Variants in CCDC32 observed in about 807,000 individuals in gnomAD.
CCDC32 encodes the protein coiled-coil domain-containing protein 32.
In CCDC32, 9 loss-of-function variants were observed where a neutral mutation model predicts 20.1. The observed-to-expected ratio is 0.45, with a 90% CI of 0.27 to 0.78. CCDC32 has a LOEUF of 0.78. Among genes scored for constraint, CCDC32 ranks in the 30% least tolerant of loss-of-function variants. The pLI is 0.16. For missense variants in CCDC32, 204 were observed against 215.5 expected (o/e 0.95, Z 0.33); for synonymous variants, 63 against 79.0 (o/e 0.80, Z 1.07).
intron 3 of CCDC32, among the ~76,000 whole-genome samples, chr15:40,547,499 G>A (rs1005861826): frequency 2.0e-5 from 3 of 152,150 alleles, no homozygotes; most frequent in Non-Finnish European, 2.9e-5. Flanking sequence ...CAAAGTTCTT[G>A]CCCTCCCCAC....
chr15:40,564,802 G>A, intron 1 of CCDC32, 174 bp downstream of exon 1: 3 of 1,614,082 alleles, frequency 1.9e-6, no homozygotes, highest in Non-Finnish European at 2.5e-6. Context: ...CCAGGGCAGG[G>A]CGTCCAGAAC....
chr15:40,524,157 T>C (rs1243932942), downstream of CCDC32, among the ~76,000 whole-genome samples: 6 of 139,634 alleles, frequency 4.3e-5, no homozygotes, highest in African/African-American at 1.6e-4. Context: ...TTTTTTTTTT[T>C]TTTTTTTTTT....
At chr15:40,564,116 G>A (rs1288723528) in intron 1 of CCDC32, among the ~76,000 whole-genome samples, 3 of 152,090 alleles carry the variant, frequency 2.0e-5, no homozygotes, top group Non-Finnish European at 4.4e-5. Context: ...CACCGCGCCC[G>A]GCCCCTAAAT....
rs533612236 is a variant in CCDC32 at position 40,547,914 on chromosome 15, G to A, written c.402-8559C>T. 1.2e-4 allele frequency among the ~76,000 whole-genome samples: 19 copies of A among 152,308 alleles called. No homozygotes were observed. The East Asian group carries it at 3.5e-3, about 28-fold the overall frequency. ...AAAGGTTGCCTTTGCACGCACTCTCGTGTCTAGAATCCTATTCAGCTATTC... is the reference window on the plus strand; with the variant it reads ...AAAGGTTGCCTTTGCACGCACTCTCATGTCTAGAATCCTATTCAGCTATTC... On this transcript the variant is annotated intron_variant, in intron 3 of 3. Transcript: ENST00000558113.
At chr15:40,564,287 A>G (rs12915171) in intron 1 of CCDC32, among the ~76,000 whole-genome samples, 54,192 of 151,988 alleles carry the variant, frequency 0.36, 10,532 homozygotes, top group Non-Finnish European at 0.45. Context: ...TTATTTTAAT[A>G]CAATCACTGA....
downstream of CCDC32, among the ~76,000 whole-genome samples, chr15:40,525,263 C>T (rs1038221692): frequency 1.3e-5 from 2 of 152,010 alleles, no homozygotes; most frequent in South Asian, 2.1e-4. Flanking sequence ...CTCCTGACCT[C>T]GTGATCCACT....
downstream of CCDC32, chr15:40,528,559 A>G (rs1220475485): frequency 1.2e-5 from 7 of 564,532 alleles, no homozygotes; most frequent in East Asian, 1.5e-4. Flanking sequence ...GGCATGAGGT[A>G]GAGGCTGCAA....
At chr15:40,539,405 G>T in intron 3 of CCDC32, 1 of 1,445,836 alleles carries the variant, frequency 6.9e-7, no homozygotes, top group Non-Finnish European at 9.4e-7. Context: ...GACAGATACA[G>T]TCAGAGGCAC....
chr15:40,524,131 C>A (rs1595880751), downstream of CCDC32, among the ~76,000 whole-genome samples: 1 of 146,374 alleles, frequency 6.8e-6, no homozygotes, highest in African/African-American at 2.5e-5. Context: ...TATTGATACA[C>A]ACAACATGCA....
downstream of CCDC32, chr15:40,552,852 C>G (rs549802841): frequency 6.7e-6 from 1 of 150,318 alleles, no homozygotes; most frequent in Admixed American, 6.6e-5. Context: ...GCTCCTCTCT[C>G]GATCGGAAGA....
intron 1 of CCDC32, 133 bp from the exon 2 acceptor site, chr15:40,563,160 C>T (rs534296211): frequency 3.3e-5 from 35 of 1,076,522 alleles, no homozygotes; most frequent in Non-Finnish European, 4.3e-5. Context: ...GCCAGCAGTT[C>T]GAGACCAGCC....
At chr15:40,550,909 T>C (rs750975571), downstream of CCDC32, among the ~76,000 whole-genome samples, 44 of 152,228 alleles carry the variant, frequency 2.9e-4, no homozygotes, top group Non-Finnish European at 5.3e-4. Flanking sequence ...CTTGCCTGAA[T>C]GACAGAAACA....
chr15:40,539,959 G>A (rs1396835776), intron 3 of CCDC32, among the ~76,000 whole-genome samples: 3 of 151,978 alleles, frequency 2.0e-5, no homozygotes, highest in Admixed American at 6.6e-5. Context: ...CCCAGGTGGT[G>A]AAATGGGCAT....
intron 2 of CCDC32, among the ~76,000 whole-genome samples, chr15:40,561,202 C>T (rs996037813): frequency 1.6e-4 from 25 of 152,204 alleles, no homozygotes; most frequent in African/African-American, 5.5e-4. Context: ...TGGCCGGGCA[C>T]GGTGGCTCAC....
At chr15:40,534,480 G>A (rs1889023194), downstream of CCDC32, 1 of 158,598 alleles carries the variant, frequency 6.3e-6, no homozygotes, top group Non-Finnish European at 1.4e-5. Context: ...AGAGCCGACT[G>A]AAGGGGGAAG....
At chr15:40,542,380 G>A (rs1238330348) in intron 3 of CCDC32, among the ~76,000 whole-genome samples, 1 of 152,110 alleles carries the variant, frequency 6.6e-6, no homozygotes, top group Non-Finnish European at 1.5e-5. Flanking sequence ...CAATCTTATT[G>A]TCTTGTCCTG....
At position 40,543,468 on chromosome 15, in the gene CCDC32, T is replaced by TTGTTG. The variant is rs1566980415; in HGVS notation, c.402-4114_402-4113insCAACA. Among the ~76,000 whole-genome samples, 235 of 152,036 alleles carry TTGTTG rather than the reference T, an allele frequency of 1.5e-3. 5 individuals are homozygous for TTGTTG. In the East Asian group the frequency reaches 0.037, roughly 24 times the overall value. ...TGTTTTTGTTGTTGTTGTTGTTGTTTTTTTGAGACAGAGTCCCACTCTGTC... is the reference window on the plus strand; with the variant it reads ...TGTTTTTGTTGTTGTTGTTGTTGTTTTGTTGTTTTGAGACAGAGTCCCACTCTGTC... On this transcript the variant is annotated intron_variant, in intron 3 of 3. Transcript: ENST00000558113.
At chr15:40,530,330 G>T (rs1888835754), downstream of CCDC32, among the ~76,000 whole-genome samples, 1 of 149,534 alleles carries the variant, frequency 6.7e-6, no homozygotes, top group Non-Finnish European at 1.5e-5. Context: ...AATGTTGGAG[G>T]TGGGCCTAAT....
intron 3 of CCDC32, among the ~76,000 whole-genome samples, chr15:40,556,251 C>A (rs1340923505): frequency 6.6e-6 from 1 of 152,216 alleles, no homozygotes; most frequent in Non-Finnish European, 1.5e-5. Context: ...CCCTCTATGG[C>A]AAAACACCAA....
Sources: gnomAD v4.1 joint callset for allele counts (sites outside exome capture counted in the v4.1 genomes callset) on GRCh38, gnomAD v4.1.1 for gene constraint, MANE v1.5 for transcripts, NCBI Gene and HGNC (gene_info 2026-07-23, HGNC 2026-07-21) for gene names.